The following FAF1 variants were observed in gnomAD, a reference collection of about 807,000 sequenced individuals.
The protein encoded by FAF1 is Fas associated factor 1, also known as FAS-associated factor 1.
A neutral mutation model predicts 92.5 loss-of-function variants in FAF1; 25 were observed. That is an observed-to-expected ratio of 0.27 (90% CI 0.20 to 0.38). The LOEUF is 0.38. Among genes scored for constraint, FAF1 ranks in the 10% least tolerant of loss-of-function variants. The pLI is 1.00. For missense variants in FAF1, 636 were observed against 793.3 expected, an observed-to-expected ratio of 0.80 and a Z score of 2.38; for synonymous variants, 234 against 273.2, an observed-to-expected ratio of 0.86 and a Z score of 1.42.
chr1:50,595,354 A>C (rs534525104), intron 9 of FAF1, among the ~76,000 whole-genome samples: 23 of 151,554 alleles, frequency 1.5e-4, no homozygotes, highest in South Asian at 6.3e-4. Context: ...GTACCTGGCC[A>C]CTGTTATTTT....
rs898126597 is a variant in FAF1, at chr1:50,451,084, C to T, written c.1870-9561G>A. On this transcript the variant is annotated intron_variant, in intron 18 of 18. Coordinates refer to ENST00000396153, the MANE Select transcript of FAF1 (RefSeq NM_007051.3). The stretch of plus-strand genomic sequence containing the variant: ...TCCTCTTTTCATTACTGAACTGTGA[C>T]AGATCAACTGGGGTGCTAGAGAGTG... Among the ~76,000 whole-genome samples, 22 of 152,154 alleles carry T rather than the reference C, an allele frequency of 1.4e-4. 1 individual carries two copies. The highest frequency in any genetic ancestry group is 5.3e-4 in the African/African-American group (22 of 41,424).
At chr1:50,518,441 T>C (rs1385382415) in intron 15 of FAF1, among the ~76,000 whole-genome samples, 1 of 151,342 alleles carries the variant, frequency 6.6e-6, no homozygotes, top group Non-Finnish European at 1.5e-5. Flanking sequence ...ACAAGTTTCT[T>C]TCTTTTTTTT....
intron 7 of FAF1, among the ~76,000 whole-genome samples, chr1:50,677,682 G>T (rs1391940508): frequency 6.6e-6 from 1 of 151,940 alleles, no homozygotes; most frequent in East Asian, 1.9e-4. Context: ...GTCACCTGAG[G>T]TCAGGAGTTC....
At chr1:50,696,986 T>C (rs1657261979) in intron 7 of FAF1, among the ~76,000 whole-genome samples, 1 of 152,208 alleles carries the variant, frequency 6.6e-6, no homozygotes, top group South Asian at 2.1e-4. Context: ...GACTTTGAAA[T>C]GTAGGCAGAC....
intron 17 of FAF1, among the ~76,000 whole-genome samples, chr1:50,479,520 A>G (rs1646676368): frequency 6.6e-6 from 1 of 152,172 alleles, no homozygotes; most frequent in Admixed American, 6.5e-5. Context: ...TGGTGTTATC[A>G]TTTTTGTTAT....
intron 6 of FAF1, among the ~76,000 whole-genome samples, chr1:50,713,996 C>A (rs1658065117): frequency 6.6e-6 from 1 of 150,874 alleles, no homozygotes; most frequent in Non-Finnish European, 1.5e-5. Flanking sequence ...TGGTCTGGAA[C>A]TCCTGACCTC....
intron 1 of FAF1, among the ~76,000 whole-genome samples, chr1:50,894,470 C>T (rs1418648026): frequency 6.6e-6 from 1 of 151,942 alleles, no homozygotes; most frequent in Admixed American, 6.6e-5. Flanking sequence ...GAGTCAGGGA[C>T]CCCAAGAGCC....
intron 7 of FAF1, among the ~76,000 whole-genome samples, chr1:50,691,383 C>G (rs778939726): frequency 6.6e-6 from 1 of 150,626 alleles, no homozygotes; most frequent in Non-Finnish European, 1.5e-5. Context: ...GCTGAGACTG[C>G]AGGCATGCAC....
chr1:50,930,554 G>C (rs893947620), intron 1 of FAF1, among the ~76,000 whole-genome samples: 1 of 152,216 alleles, frequency 6.6e-6, no homozygotes, highest in Non-Finnish European at 1.5e-5. Context: ...TAATGCAGGT[G>C]GCCAGGCACA....
intron 7 of FAF1, among the ~76,000 whole-genome samples, chr1:50,686,868 G>T (rs1045302333): frequency 6.6e-6 from 1 of 151,840 alleles, no homozygotes; most frequent in Non-Finnish European, 1.5e-5. Context: ...ACATTCTGTC[G>T]CCCACGCTGG....
rs140865715 is a variant in FAF1, at chr1:50,690,854, G to A, written c.657+14932C>T. Among the ~76,000 whole-genome samples the A allele has an allele frequency of 2.3e-3, 345 of 152,104 alleles. 2 individuals are homozygous for A. The highest frequency in any genetic ancestry group is 4.7e-3 in the Admixed American group (72 of 15,274). ...TATAATATGTGGCTTTTTGTGTTTAGTTTCTTTCATTTAGCATGTTTTTAA... is the reference window on the plus strand; with the variant it reads ...TATAATATGTGGCTTTTTGTGTTTAATTTCTTTCATTTAGCATGTTTTTAA... On this transcript the variant is annotated intron_variant, in intron 7 of 18. Transcript: ENST00000396153.
intron 2 of FAF1, among the ~76,000 whole-genome samples, chr1:50,851,370 G>A (rs1242184039): frequency 6.6e-6 from 1 of 152,184 alleles, no homozygotes; most frequent in African/African-American, 2.4e-5. Context: ...ACTGCACCAA[G>A]TCTAAATTTT....
intron 6 of FAF1, among the ~76,000 whole-genome samples, chr1:50,725,580 C>T (rs1217915492): frequency 1.9e-4 from 29 of 152,182 alleles, no homozygotes; most frequent in Admixed American, 1.7e-3. Flanking sequence ...CTCAGCTATA[C>T]GAGTAGCTGG....
chr1:50,542,330 T>C (rs917654993), intron 13 of FAF1, among the ~76,000 whole-genome samples: 2 of 152,224 alleles, frequency 1.3e-5, no homozygotes, highest in African/African-American at 4.8e-5. Flanking sequence ...AAGGTGGTAC[T>C]TCACAGTACA....
intron 1 of FAF1, among the ~76,000 whole-genome samples, chr1:50,957,615 G>A (rs945905661): frequency 6.6e-6 from 1 of 151,978 alleles, no homozygotes; most frequent in Non-Finnish European, 1.5e-5. Context: ...GCCTCCCAAA[G>A]TACTGGGATT....
intron 1 of FAF1, among the ~76,000 whole-genome samples, chr1:50,862,501 T>C (rs1318106550): frequency 6.6e-6 from 1 of 151,786 alleles, no homozygotes; most frequent in Non-Finnish European, 1.5e-5. Flanking sequence ...AGGAATAAGA[T>C]CTCGTATTTG....
intron 12 of FAF1, among the ~76,000 whole-genome samples, chr1:50,574,544 G>C (rs1278577182): frequency 6.6e-6 from 1 of 152,084 alleles, no homozygotes; most frequent in East Asian, 1.9e-4. Flanking sequence ...TCAGCAATAG[G>C]CCTGTTAAAC....
At chr1:50,598,965 C>T (rs186892795) in intron 8 of FAF1, among the ~76,000 whole-genome samples, 2 of 150,990 alleles carry the variant, frequency 1.3e-5, no homozygotes, top group Non-Finnish European at 1.5e-5. Flanking sequence ...AGTGAAACTC[C>T]GTCTCAAAAA....
rs759343983 is a variant in FAF1 at position 50,788,004 on chromosome 1, A to G, written c.363T>C (p.Thr121=). ...TTATGGCAGGAAAAACCTTACCAACAGTACAGGTGTCTTCAAGTACCACAT... is the reference window on the plus strand; with the variant it reads ...TTATGGCAGGAAAAACCTTACCAACGGTACAGGTGTCTTCAAGTACCACAT... ...NVDVVLEDTC[T]VGEIKQILEN... is the part of the protein sequence containing the mutation. Residue 121 remains threonine (T), a synonymous_variant, in exon 4 of 19, where the codon ACT becomes ACC. Coordinates refer to ENST00000396153, the MANE Select transcript of FAF1 (RefSeq NM_007051.3). 5.6e-6 allele frequency: 9 copies of G among 1,612,152 alleles called. No homozygotes were observed. Among genetic ancestry groups the G allele is most frequent in the Non-Finnish European group, 7.6e-6 (9 of 1,178,302 alleles).
Sources: allele counts gnomAD v4.1 joint callset (sites outside exome capture counted in the v4.1 genomes callset), GRCh38; gene constraint gnomAD v4.1.1; transcripts MANE v1.5; gene names NCBI Gene and HGNC (gene_info 2026-07-23, HGNC 2026-07-21).